Variants in EXOSC9 observed in about 807,000 individuals in gnomAD.
The protein encoded by EXOSC9 is exosome component 9, also known as exosome complex component RRP45.
A neutral mutation model predicts 56.5 loss-of-function variants in EXOSC9; 38 were observed. That is an observed-to-expected ratio of 0.67 (90% CI 0.52 to 0.88). The LOEUF (loss-of-function observed/expected upper bound fraction) is 0.88. EXOSC9 is among the 40% of genes least tolerant of loss of function. The pLI, the probability that EXOSC9 is intolerant of heterozygous loss-of-function variation, is 0.00. For missense variants in EXOSC9, 559 were observed against 530.5 expected, an observed-to-expected ratio of 1.05 and a Z score of -0.53; for synonymous variants, 170 against 170.8, an observed-to-expected ratio of 0.99 and a Z score of 0.04.
chr4:121,812,793 A>C (rs771801153), intron 8 of EXOSC9, among the ~76,000 whole-genome samples: 1 of 152,206 alleles, frequency 6.6e-6, no homozygotes, highest in Non-Finnish European at 1.5e-5. Context: ...GCCTGGAGAC[A>C]TAAGATTTTT....
chr4:121,813,986 T>TATCA lies in EXOSC9; in HGVS notation c.1096_1099dup (p.Ile367AsnfsTer4), dbSNP rs938448213. Reference sequence around the variant, plus strand: ...ATGATGAAGGCGGTGGTGATCAAGCTATCATTCTTGATGGTATAAAAATGG... The same window carrying TATCA: ...ATGATGAAGGCGGTGGTGATCAAGCTATCAATCATTCTTGATGGTATAAAAATGG... On this transcript the variant is annotated frameshift_variant, in exon 10 of 12. Coordinates refer to ENST00000243498, the MANE Select transcript of EXOSC9 (RefSeq NM_005033.3). LOFTEE classifies it high-confidence loss of function. 1 of 1,613,460 alleles carries TATCA rather than the reference T, an allele frequency of 6.2e-7. No individual in the cohort carries two copies. Among genetic ancestry groups the TATCA allele is most frequent in the African/African-American group, 1.3e-5 (1 of 74,898 alleles).
rs540758624 is a variant in EXOSC9, at chr4:121,816,541, A to G, written c.1235+94A>G. 2.4e-5 allele frequency: 21 copies of G among 892,620 alleles called. No individual in the cohort carries two copies. The African/African-American group carries it at 2.9e-4, about 12-fold the overall frequency. The allele number at this position is 892,620 out of a possible 1,614,324, so 55.3% of individuals were successfully genotyped here. On this transcript the variant is annotated intron_variant, in intron 11 of 11. Coordinates refer to ENST00000243498, the MANE Select transcript of EXOSC9 (RefSeq NM_005033.3). The stretch of plus-strand genomic sequence containing the variant: ...TTTACTCTCATCTTGCCACATGACT[A>G]TAAACAAAAAGACATCCCTTTTTCA...
chr4:121,813,363 A>G lies in EXOSC9; in HGVS notation c.957A>G (p.Ala319=). 6.2e-7 allele frequency: 1 copy of G among 1,613,310 alleles called. No homozygotes were observed. Among genetic ancestry groups the G allele is most frequent in the African/African-American group, 1.3e-5 (1 of 74,992 alleles). Residue 319 remains alanine, a synonymous_variant, in exon 9 of 12, where the codon GCA becomes GCG. Transcript: ENST00000243498. ...EEKAEEIIAE[A]EPPSEVVSTP... ...AAGCAGAAGAAATCATTGCTGAAGCAGAACCTCCTTCAGAAGTGTATCTTT... is the reference window on the plus strand; with the variant it reads ...AAGCAGAAGAAATCATTGCTGAAGCGGAACCTCCTTCAGAAGTGTATCTTT...
At chr4:121,814,405 T>C (rs1359818129) in intron 10 of EXOSC9, 4 of 153,856 alleles carry the variant, frequency 2.6e-5, no homozygotes, top group Non-Finnish European at 1.4e-5. Flanking sequence ...ATGATAGTGA[T>C]ATTTTTAATT....
At chr4:121,801,944 C>T in intron 2 of EXOSC9, 23 bp downstream of exon 2, 2 of 1,537,952 alleles carry the variant, frequency 1.3e-6, no homozygotes, top group South Asian at 2.2e-5. Context: ...AAATGAGATA[C>T]ACATTCGGAA....
At chr4:121,816,637 T>A in intron 11 of EXOSC9, 135 bp from the exon 12 acceptor site, 1 of 947,676 alleles carries the variant, frequency 1.1e-6, no homozygotes, top group Non-Finnish European at 1.5e-6. Flanking sequence ...ATCTATAATA[T>A]AAACTTCTTG....
Position 121,813,332 on chromosome 4 carries a change from A to T in EXOSC9, c.926A>T (p.Glu309Val), listed in dbSNP as rs1329757419. 1 of 1,613,780 alleles carries T rather than the reference A, an allele frequency of 6.2e-7. No individual in the cohort carries two copies. Among genetic ancestry groups the T allele is most frequent in the Admixed American group, 1.7e-5 (1 of 59,958 alleles). The change falls in exon 9 of 12, where the codon GAA becomes GTA. Residue 309 changes from glutamate (E) to valine (V), a missense_variant. By Grantham distance (121) the Glu-to-Val change is moderately radical. Transcript: ENST00000243498. ...GCCCCTATTGATACCTCGGATGTAG[A>T]AGAAAAAGCAGAAGAAATCATTGCT... ...EKAPIDTSDVEEKAEEIIAEA... is the reference protein window; with the variant it reads ...EKAPIDTSDVVEKAEEIIAEA...
At position 121,801,364 on chromosome 4, in the gene EXOSC9, A is replaced by G. The variant is rs111278324; in HGVS notation, c.-61A>G. 1,200 of 1,508,362 alleles carry G rather than the reference A, an allele frequency of 8.0e-4. 5 individuals are homozygous for G. The African/African-American group carries it at 0.014, about 18-fold the overall frequency. 93.4% of individuals were successfully genotyped at this position (1,508,362 alleles called of 1,614,324 possible). On this transcript the variant is annotated 5_prime_UTR_variant, in exon 1 of 12. Transcript: ENST00000243498. ...TCGGGGCGAGCAGCGGCGCGCAAGGAAAGATCGGGTTCCGTTTTTCCCGCG... is the reference window on the plus strand; with the variant it reads ...TCGGGGCGAGCAGCGGCGCGCAAGGGAAGATCGGGTTCCGTTTTTCCCGCG...
In EXOSC9 at chr4:121,801,434, A is replaced by C; in HGVS notation, c.10A>C (p.Thr4Pro). 6.2e-7 allele frequency: 1 copy of C among 1,614,140 alleles called. No homozygotes were observed. The change falls in exon 1 of 12, where the codon ACG (threonine) becomes CCG (proline). Residue 4 changes from threonine to proline, a missense_variant. By Grantham distance (38) the Thr-to-Pro change is conservative. Coordinates refer to ENST00000243498, the MANE Select transcript of EXOSC9 (RefSeq NM_005033.3). ...CCGGTGACCCAACACCATGAAGGAA[A>C]CGCCACTCTCAAACTGCGAACGCCG... MKETPLSNCERRFL... is the reference protein window; with the variant it reads MKEPPLSNCERRFL...
At chr4:121,804,269 C>T (rs1481878911) in intron 4 of EXOSC9, among the ~76,000 whole-genome samples, 2 of 151,398 alleles carry the variant, frequency 1.3e-5, no homozygotes, top group African/African-American at 2.4e-5. Flanking sequence ...CCACCTTGAC[C>T]TCCCAAAGTG....
rs560676603 is a variant in EXOSC9 at position 121,807,595 on chromosome 4, G to T, written c.578G>T (p.Cys193Phe). 5 of 1,613,606 alleles carry T rather than the reference G, an allele frequency of 3.1e-6. No individual in the cohort carries two copies. In the African/African-American group the frequency reaches 6.7e-5, roughly 22 times the overall value. ...VPLSIHHMPI[C>F]VSFAFFQQGT... is the part of the protein sequence containing the mutation. Reference sequence around the variant, plus strand: ...TTAAGTATCCACCACATGCCCATTTGTGTCAGTTTTGCCTTTTTCCAGCAA... The same window carrying T: ...TTAAGTATCCACCACATGCCCATTTTTGTCAGTTTTGCCTTTTTCCAGCAA... The change falls in exon 6 of 12, where the codon TGT becomes TTT. Residue 193 changes from cysteine to phenylalanine, a missense_variant. By Grantham distance (205) the Cys-to-Phe change is radical. Transcript: ENST00000243498.
Position 121,802,691 on chromosome 4 carries a change from C to G in EXOSC9, c.179C>G (p.Ser60Cys). 3.1e-6 allele frequency: 5 copies of G among 1,614,030 alleles called. No homozygotes were observed. Among genetic ancestry groups the G allele is most frequent in the Non-Finnish European group, 4.2e-6 (5 of 1,179,970 alleles). The change falls in exon 3 of 12, where the codon TCC becomes TGC. Residue 60 changes from serine to cysteine, a missense_variant. By Grantham distance (112) the Ser-to-Cys change is moderately radical (BLOSUM62 -1). Coordinates refer to ENST00000243498, the MANE Select transcript of EXOSC9 (RefSeq NM_005033.3). ...CTTTGCAGAGTTCTTGGACAGGTTT[C>G]CTGTGAACTTGTGTCTCCAAAACTC... Reference protein sequence around the residue: ...LGKTRVLGQVSCELVSPKLNR... With the variant: ...LGKTRVLGQVCCELVSPKLNR...
At chr4:121,806,546 A>C (rs1727028198) in intron 5 of EXOSC9, among the ~76,000 whole-genome samples, 1 of 152,218 alleles carries the variant, frequency 6.6e-6, no homozygotes, top group African/African-American at 2.4e-5. Flanking sequence ...ATAAGAGCTT[A>C]CTACGTTCAG....
At chr4:121,814,865 A>G (rs1424003763) in intron 10 of EXOSC9, 1 of 152,206 alleles carries the variant, frequency 6.6e-6, no homozygotes, top group Non-Finnish European at 1.5e-5. Context: ...ACTTTTTAAA[A>G]AAAGCAAATT....
intron 6 of EXOSC9, among the ~76,000 whole-genome samples, chr4:121,808,369 CT>C (rs1295751721): frequency 6.6e-6 from 1 of 151,756 alleles, no homozygotes; most frequent in Non-Finnish European, 1.5e-5. Flanking sequence ...TTATTTTCTT[CT>C]TTTTTTTGAG....
At chr4:121,815,849 C>G (rs1724477177) in intron 10 of EXOSC9, 1 of 1,095,972 alleles carries the variant, frequency 9.1e-7, no homozygotes, top group Admixed American at 5.1e-5. Flanking sequence ...TGACATGTAC[C>G]AAATTGTCAC....
At position 121,802,992 on chromosome 4, in the gene EXOSC9, C is replaced by T; in HGVS notation, c.359C>T (p.Ser120Phe). Residue 120 changes from serine (S) to phenylalanine (F), a missense_variant, in exon 4 of 12, where the codon TCT becomes TTT. Physicochemically the swap from Ser to Phe is radical, Grantham distance 155 (BLOSUM62 -2). Coordinates refer to ENST00000243498, the MANE Select transcript of EXOSC9 (RefSeq NM_005033.3). Reference sequence around the variant, plus strand: ...AATTCGAAGTGTATAGACACTGAGTCTCTCTGTGTTGTTGCTGGTGAAAAG... The same window carrying T: ...AATTCGAAGTGTATAGACACTGAGTTTCTCTGTGTTGTTGCTGGTGAAAAG... ...LRNSKCIDTE[S>F]LCVVAGEKVW... 2 of 1,612,238 alleles carry T rather than the reference C, an allele frequency of 1.2e-6. No individual in the cohort carries two copies. The highest frequency in any genetic ancestry group is 8.5e-7 in the Non-Finnish European group (1 of 1,178,318).
In EXOSC9 at chr4:121,801,350, A is replaced by G. The variant is rs1455967448; in HGVS notation, c.-75A>G. The G allele has an allele frequency of 1.4e-6, 2 of 1,410,924 alleles. No homozygotes were observed. Among genetic ancestry groups the G allele is most frequent in the South Asian group, 2.3e-5 (2 of 87,012 alleles). 87.4% of individuals were successfully genotyped at this position (1,410,924 alleles called of 1,614,324 possible). Reference sequence around the variant, plus strand: ...AATTTTCCTGCGCCTCGGGGCGAGCAGCGGCGCGCAAGGAAAGATCGGGTT... The same window carrying G: ...AATTTTCCTGCGCCTCGGGGCGAGCGGCGGCGCGCAAGGAAAGATCGGGTT... On this transcript the variant is annotated 5_prime_UTR_variant, in exon 1 of 12. Transcript: ENST00000243498.
At chr4:121,807,749 T>C (rs1380212903) in intron 6 of EXOSC9, 127 bp downstream of exon 6, 1 of 639,290 alleles carries the variant, frequency 1.6e-6, no homozygotes, top group African/African-American at 1.8e-5. Context: ...GTATTTCCTT[T>C]CTTTCTTTGT....
Sources: allele counts gnomAD v4.1 joint callset (sites outside exome capture counted in the v4.1 genomes callset), GRCh38; gene constraint gnomAD v4.1.1; transcripts MANE v1.5; gene names NCBI Gene and HGNC (gene_info 2026-07-23, HGNC 2026-07-21).